C8orf34: variants seen among roughly 807,000 people sequenced by gnomAD.
The protein encoded by C8orf34 is chromosome 8 open reading frame 34.
A neutral mutation model predicts 68.3 loss-of-function variants in C8orf34; 65 were observed. The ratio of observed to expected loss-of-function variants is 0.95; its 90% confidence interval spans 0.78 to 1.17. The LOEUF (loss-of-function observed/expected upper bound fraction) is 1.17, where lower values mean the gene tolerates loss of function less well. Among genes scored for constraint, C8orf34 ranks in the 50% most tolerant of loss-of-function variants. C8orf34 has a pLI of 0.00. For missense variants in C8orf34, 664 were observed against 655.4 expected, an observed-to-expected ratio of 1.01 and a Z score of -0.14; for synonymous variants, 244 against 241.2, an observed-to-expected ratio of 1.01 and a Z score of -0.11.
chr8:68,673,705 A>C (rs145763845), intron 8 of C8orf34, among the ~76,000 whole-genome samples: 2 of 152,036 alleles, frequency 1.3e-5, no homozygotes, highest in Non-Finnish European at 2.9e-5. Flanking sequence ...ACTGGCAGTA[A>C]CTCATCACCC....
chr8:68,613,663 C>T (rs1371493756), intron 7 of C8orf34, among the ~76,000 whole-genome samples: 1 of 151,458 alleles, frequency 6.6e-6, no homozygotes, highest in Non-Finnish European at 1.5e-5. Flanking sequence ...TGTATATGTG[C>T]CACATTTTCT....
intron 9 of C8orf34, among the ~76,000 whole-genome samples, chr8:68,712,979 G>C (rs534615009): frequency 3.3e-5 from 5 of 152,140 alleles, no homozygotes; most frequent in African/African-American, 1.2e-4. Flanking sequence ...TACTCTCTCA[G>C]ACCACACTGG....
At chr8:68,334,511 A>G (rs149964757) in intron 1 of C8orf34, among the ~76,000 whole-genome samples, 3 of 152,072 alleles carry the variant, frequency 2.0e-5, no homozygotes, top group Admixed American at 6.5e-5. Flanking sequence ...AAAGAAATAG[A>G]AACTTTTGAG....
chr8:68,359,749 T>A (rs529846700), intron 1 of C8orf34, among the ~76,000 whole-genome samples: 41 of 152,300 alleles, frequency 2.7e-4, no homozygotes, highest in African/African-American at 9.6e-4. Flanking sequence ...TATTTCATCC[T>A]GCACCCTCGG....
intron 1 of C8orf34, among the ~76,000 whole-genome samples, chr8:68,436,717 A>G (rs569986818): frequency 1.7e-4 from 26 of 152,186 alleles, no homozygotes; most frequent in Non-Finnish European, 3.1e-4. Flanking sequence ...CTTTTTTCCT[A>G]TGGTGAATGA....
intron 1 of C8orf34, among the ~76,000 whole-genome samples, chr8:68,348,514 T>C (rs1806375841): frequency 6.6e-6 from 1 of 152,050 alleles, no homozygotes; most frequent in Non-Finnish European, 1.5e-5. Flanking sequence ...TTGTTGGCAG[T>C]TTGATAGGAA....
chr8:68,446,301 C>T (rs765650344), intron 2 of C8orf34, 28 bp from the exon 3 acceptor site: 2 of 1,545,086 alleles, frequency 1.3e-6, no homozygotes, highest in Admixed American at 4.3e-5. Flanking sequence ...CACTTTGTTG[C>T]CATTTTATAT....
At chr8:68,660,902 G>C (rs148856856) in intron 8 of C8orf34, among the ~76,000 whole-genome samples, 18 of 152,098 alleles carry the variant, frequency 1.2e-4, no homozygotes, top group East Asian at 9.7e-4. Flanking sequence ...CTACAAAAAG[G>C]GGGGGGAAAA....
chr8:68,532,912 A>G, intron 6 of C8orf34, 71 bp from the exon 7 acceptor site: 2 of 1,149,084 alleles, frequency 1.7e-6, no homozygotes, highest in Non-Finnish European at 2.5e-6. Flanking sequence ...GTAATAAAAT[A>G]ACCAAATGGA....
At chr8:68,417,343 A>G (rs751957279) in intron 1 of C8orf34, among the ~76,000 whole-genome samples, 1 of 152,094 alleles carries the variant, frequency 6.6e-6, no homozygotes, top group African/African-American at 2.4e-5. Flanking sequence ...AATGGACCAT[A>G]TATTGCCGTT....
Position 68,448,275 on chromosome 8 carries a change from TA to T in C8orf34, c.607+1816del, listed in dbSNP as rs1811204002. 2.0e-5 allele frequency among the ~76,000 whole-genome samples: 3 copies of T among 152,274 alleles called. No homozygotes were observed. In the South Asian group the frequency reaches 6.2e-4, roughly 32 times the overall value. ...TATATTCCTTTTTACTCAGGTAACCTACTCCCAACCTCTAGTTTCACTAGAC... is the reference window on the plus strand; with the variant it reads ...TATATTCCTTTTTACTCAGGTAACCTCTCCCAACCTCTAGTTTCACTAGAC... On this transcript the variant is annotated intron_variant, in intron 3 of 13. Transcript: ENST00000518698.
intron 1 of C8orf34, among the ~76,000 whole-genome samples, chr8:68,397,980 G>A (rs910611502): frequency 6.6e-6 from 1 of 152,064 alleles, no homozygotes; most frequent in South Asian, 2.1e-4. Flanking sequence ...TGTTGGCCAG[G>A]CTGGTCTCGA....
intron 5 of C8orf34, among the ~76,000 whole-genome samples, chr8:68,510,279 C>T (rs1320063168): frequency 3.9e-5 from 6 of 152,136 alleles, no homozygotes; most frequent in African/African-American, 1.4e-4. Context: ...AAACTGGTAA[C>T]TATAGTTATG....
At chr8:68,579,221 C>T (rs1247334160) in intron 7 of C8orf34, among the ~76,000 whole-genome samples, 1 of 151,676 alleles carries the variant, frequency 6.6e-6, no homozygotes, top group South Asian at 2.1e-4. Flanking sequence ...TGAGAGAAGT[C>T]GATATTTCTA....
chr8:68,595,565 C>A (rs1817524550), intron 7 of C8orf34, among the ~76,000 whole-genome samples: 1 of 151,884 alleles, frequency 6.6e-6, no homozygotes, highest in South Asian at 2.1e-4. Flanking sequence ...GGGGGAATTT[C>A]TTTCTTTTAA....
At chr8:68,507,173 A>G (rs768353196) in intron 5 of C8orf34, among the ~76,000 whole-genome samples, 2 of 152,206 alleles carry the variant, frequency 1.3e-5, no homozygotes, top group East Asian at 3.8e-4. Context: ...ATTCCTTGGC[A>G]TCTTGTATTT....
intron 1 of C8orf34, among the ~76,000 whole-genome samples, chr8:68,404,223 G>A (rs1399261178): frequency 6.6e-6 from 1 of 152,048 alleles, no homozygotes; most frequent in African/African-American, 2.4e-5. Context: ...TGATAGGGTC[G>A]TTTGTTTTTT....
chr8:68,628,154 AAT>A (rs1236074919), intron 7 of C8orf34, among the ~76,000 whole-genome samples: 1 of 152,164 alleles, frequency 6.6e-6, no homozygotes, highest in African/African-American at 2.4e-5. Context: ...TCTTTTTCCA[AAT>A]GCAATTCTAA....
chr8:68,332,656 G>T (rs780832060), intron 1 of C8orf34, among the ~76,000 whole-genome samples: 1 of 152,156 alleles, frequency 6.6e-6, no homozygotes, highest in African/African-American at 2.4e-5. Context: ...GGTCTTTTGG[G>T]AGGACGGGTT....
Sources: gnomAD v4.1 joint callset for allele counts (sites outside exome capture counted in the v4.1 genomes callset) on GRCh38, gnomAD v4.1.1 for gene constraint, MANE v1.5 for transcripts, NCBI Gene and HGNC (gene_info 2026-07-23, HGNC 2026-07-21) for gene names.